INPP5E: variants seen among roughly 807,000 people sequenced by gnomAD.
INPP5E encodes the protein inositol polyphosphate-5-phosphatase E.
INPP5E carries 34 observed loss-of-function variants against 50.5 expected under a neutral mutation model. That is an observed-to-expected ratio of 0.67 (90% CI 0.51 to 0.90). The LOEUF (loss-of-function observed/expected upper bound fraction) is 0.90, where lower values mean the gene tolerates loss of function less well. Ranked by LOEUF, INPP5E falls within the 40% of genes least tolerant of loss-of-function variation. The pLI is 0.00. For synonymous variants in INPP5E, 447 were observed against 406.0 expected (o/e 1.10, Z -1.21); for missense variants, 942 against 905.5 (o/e 1.04, Z -0.52).
At position 136,439,571 on chromosome 9, in the gene INPP5E, G is replaced by A; in HGVS notation, c.-152C>T. ...GGGATGGTCGCGGAGGGGCGGGGGCGGCTGCCGCATGGCCCGGGCCCCGAG... is the reference window on the plus strand; with the variant it reads ...GGGATGGTCGCGGAGGGGCGGGGGCAGCTGCCGCATGGCCCGGGCCCCGAG... On this transcript the variant is annotated 5_prime_UTR_variant, in exon 1 of 10. Coordinates refer to ENST00000371712, the MANE Select transcript of INPP5E (RefSeq NM_019892.6). The A allele has an allele frequency of 2.0e-6, 1 of 492,982 alleles. No individual in the cohort carries two copies. The highest frequency in any genetic ancestry group is 2.0e-5 in the African/African-American group (1 of 49,536). 30.5% of individuals were successfully genotyped at this position (492,982 alleles called of 1,614,324 possible).
In INPP5E at chr9:136,432,959, T is replaced by A; in HGVS notation, c.1276A>T (p.Thr426Ser). Residue 426 changes from threonine (T) to serine (S), a missense_variant, in exon 5 of 10, where the codon ACC becomes TCC. Transcript: ENST00000371712. ...TSFLFITSHF[T>S]SGDGKVAERL... ...GTGCGGGCACCAAGCAACTTACAGG[T>A]GAAGTGGGACGTGATGAAGAGGAAG... 1 of 1,612,802 alleles carries A rather than the reference T, an allele frequency of 6.2e-7. No homozygotes were observed. The highest frequency in any genetic ancestry group is 1.3e-5 in the African/African-American group (1 of 75,008).
Position 136,439,052 on chromosome 9 carries a change from G to GC in INPP5E, c.367dup (p.Ala123GlyfsTer28). The GC allele has an allele frequency of 6.4e-7, 1 of 1,569,604 alleles. No homozygotes were observed. The highest frequency in any genetic ancestry group is 8.6e-7 in the Non-Finnish European group (1 of 1,158,156). ...GGGCGGGGAGCAGCTGTGGGCGGGGGCCCCGGGGCCCTCGCTCTGCACTGA... is the reference window on the plus strand; with the variant it reads ...GGGCGGGGAGCAGCTGTGGGCGGGGGCCCCCGGGGCCCTCGCTCTGCACTGA... On this transcript the variant is annotated frameshift_variant, in exon 1 of 10. Transcript: ENST00000371712. LOFTEE classifies it high-confidence loss of function.
rs1184444247 is a variant in INPP5E, at chr9:136,432,122, T to C, written c.1388-137A>G. The C allele has an allele frequency of 8.4e-6, 9 of 1,069,156 alleles. No homozygotes were observed. The African/African-American group carries it at 1.1e-4, about 13-fold the overall frequency. 66.2% of individuals were successfully genotyped at this position (1,069,156 alleles called of 1,614,324 possible). ...GCCGGTGGGGCCGGGCCCTCAGGGGTGGGATTCGCACTGGGACAGTTCCAG... is the reference window on the plus strand; with the variant it reads ...GCCGGTGGGGCCGGGCCCTCAGGGGCGGGATTCGCACTGGGACAGTTCCAG... On this transcript the variant is annotated intron_variant, in intron 6 of 9. Coordinates refer to ENST00000371712, the MANE Select transcript of INPP5E (RefSeq NM_019892.6).
At position 136,429,309 on chromosome 9, in the gene INPP5E, G is replaced by A. The variant is rs903512049; in HGVS notation, c.*366C>T. The A allele has an allele frequency of 3.6e-5, 14 of 387,550 alleles. No individual in the cohort carries two copies. Among genetic ancestry groups the A allele is most frequent in the Non-Finnish European group, 4.4e-5 (9 of 202,388 alleles). The allele number at this position is 387,550 out of a possible 1,614,324, so 24.0% of individuals were successfully genotyped here. Reference sequence around the variant, plus strand: ...GGAGGGAGAGGCTGGTGCAGAGCACGGGGGTGTTGGGGGGCTCTGTGACTG... The same window carrying A: ...GGAGGGAGAGGCTGGTGCAGAGCACAGGGGTGTTGGGGGGCTCTGTGACTG... On this transcript the variant is annotated 3_prime_UTR_variant, in exon 10 of 10. Coordinates refer to ENST00000371712, the MANE Select transcript of INPP5E (RefSeq NM_019892.6).
rs1835653642 is a variant in INPP5E at position 136,429,702 on chromosome 9, G to A, written c.1908C>T (p.Asn636=). 6.2e-7 allele frequency: 1 copy of A among 1,614,012 alleles called. No homozygotes were observed. Among genetic ancestry groups the A allele is most frequent in the South Asian group, 1.1e-5 (1 of 91,092 alleles). Residue 636 remains asparagine, a synonymous_variant, in exon 10 of 10, where the codon AAC becomes AAT. Coordinates refer to ENST00000371712, the MANE Select transcript of INPP5E (RefSeq NM_019892.6). ...IQRQQALQSQ[N]SSTICSVS is the part of the protein sequence containing the mutation. ...AAGAAACGGAGCAGATGGTGCTGGAGTTCTGACTCTGTAGTGCTTGCTGCC... is the reference window on the plus strand; with the variant it reads ...AAGAAACGGAGCAGATGGTGCTGGAATTCTGACTCTGTAGTGCTTGCTGCC...
chr9:136,431,914 T>C lies in INPP5E; in HGVS notation c.1459A>G (p.Thr487Ala). The change falls in exon 7 of 10, where the codon ACA becomes GCA. Residue 487 changes from threonine to alanine, a missense_variant. By Grantham distance (58) the Thr-to-Ala change is moderately conservative. Transcript: ENST00000371712. The stretch of plus-strand genomic sequence containing the variant: ...TGGCACAGGAGGGCGTCCACGACTG[T>C]GCGCCCGCCACTCAGGCGGAAGTTG... ...DFNFRLSGGRTVVDALLCQGL... is the reference protein window; with the variant it reads ...DFNFRLSGGRAVVDALLCQGL... The C allele has an allele frequency of 6.2e-7, 1 of 1,610,560 alleles. No individual in the cohort carries two copies. Among genetic ancestry groups the C allele is most frequent in the Non-Finnish European group, 8.5e-7 (1 of 1,179,318 alleles).
At position 136,438,842 on chromosome 9, in the gene INPP5E, GGGCGCGGGGGCAGCA is replaced by G; in HGVS notation, c.563_577del (p.Leu188_Arg192del). On this transcript the variant is annotated inframe_deletion, in exon 1 of 10. Transcript: ENST00000371712. ...GATGTCCAGGCTCAGGGCAGGCGGT[GGGCGCGGGGGCAGCA>G]GGCTGGGCAGCCTGGGCGAGCTCCC... The G allele has an allele frequency of 6.2e-7, 1 of 1,607,372 alleles. No homozygotes were observed. The highest frequency in any genetic ancestry group is 8.5e-7 in the Non-Finnish European group (1 of 1,177,430).
Position 136,429,781 on chromosome 9 carries a change from T to A in INPP5E, c.1829A>T (p.Asp610Val), listed in dbSNP as rs1564430726. 1.2e-6 allele frequency: 2 copies of A among 1,612,716 alleles called. No individual in the cohort carries two copies. Among genetic ancestry groups the A allele is most frequent in the East Asian group, 2.2e-5 (1 of 44,828 alleles). ...AATTCCTAGTAAGTACAGTTCTCTA[T>A]CAAATTTGCCAGCTGCCAACGGAAT... ...DNIPLAAGKF[D>V]RELYLLGIKR... The change falls in exon 10 of 10, where the codon GAT becomes GTT. Residue 610 changes from aspartate (D) to valine (V), a missense_variant. Asp to Val is a radical substitution (Grantham distance 152). Transcript: ENST00000371712.
At chr9:136,435,558 C>G (rs935354915) in intron 1 of INPP5E, 1 of 152,928 alleles carries the variant, frequency 6.5e-6, no homozygotes, top group Non-Finnish European at 1.5e-5. Flanking sequence ...GGTCTCGCCA[C>G]GTTGTCCAGG....
Position 136,439,708 on chromosome 9 carries a change from G to A in INPP5E, c.-289C>T. The A allele has an allele frequency of 3.4e-6, 1 of 297,126 alleles. No individual in the cohort carries two copies. The highest frequency in any genetic ancestry group is 6.2e-6 in the Non-Finnish European group (1 of 161,440). 18.4% of individuals were successfully genotyped at this position (297,126 alleles called of 1,614,324 possible). ...CGCGGGGGAGGTTCGACCCCGACGG[G>A]GACGCCGCTCGGGGAGAGGGGTGGG... On this transcript the variant is annotated 5_prime_UTR_variant, in exon 1 of 10. Coordinates refer to ENST00000371712, the MANE Select transcript of INPP5E (RefSeq NM_019892.6).
In INPP5E at chr9:136,429,596, A is replaced by G; in HGVS notation, c.*79T>C. On this transcript the variant is annotated 3_prime_UTR_variant, in exon 10 of 10. Coordinates refer to ENST00000371712, the MANE Select transcript of INPP5E (RefSeq NM_019892.6). ...GTCCCTCGGATCCCCGAAAGGCGGC[A>G]AACTCTTTGTCCTTCCCAGTGGGTT... The G allele has an allele frequency of 5.7e-6, 9 of 1,582,742 alleles. No homozygotes were observed. Among genetic ancestry groups the G allele is most frequent in the Non-Finnish European group, 7.8e-6 (9 of 1,159,568 alleles).
At chr9:136,438,513 A>T in intron 1 of INPP5E, 95 bp downstream of exon 1, 1 of 1,142,562 alleles carries the variant, frequency 8.8e-7, no homozygotes, top group Non-Finnish European at 1.3e-6. Context: ...TAGGCATCTT[A>T]AACGCTGCTG....
rs1477067987 is a variant in INPP5E at position 136,429,761 on chromosome 9, C to G, written c.1849G>C (p.Gly617Arg). ...GKFDRELYLL[G>R]IKRRISKEIQ... ...TCCTTCGAAATCCGTCTTTTAATTC[C>G]TAGTAAGTACAGTTCTCTATCAAAT... Residue 617 changes from glycine to arginine, a missense_variant, in exon 10 of 10, where the codon GGA (glycine) becomes CGA (arginine). Transcript: ENST00000371712. The G allele has an allele frequency of 6.2e-7, 1 of 1,613,698 alleles. No individual in the cohort carries two copies. Among genetic ancestry groups the G allele is most frequent in the Admixed American group, 1.7e-5 (1 of 60,002 alleles).
chr9:136,434,678 C>T, intron 2 of INPP5E, 62 bp downstream of exon 2: 1 of 1,558,002 alleles, frequency 6.4e-7, no homozygotes, highest in South Asian at 1.2e-5. Context: ...CCGTCCCCCT[C>T]ACCCGCCTTT....
intron 7 of INPP5E, 45 bp downstream of exon 7, chr9:136,431,779 C>A: frequency 1.2e-6 from 1 of 850,006 alleles, no homozygotes; most frequent in Non-Finnish European, 1.7e-6. Context: ...CCCAGGCCCT[C>A]ACCTCTCCTC....
At chr9:136,437,637 T>G (rs1444060206) in intron 1 of INPP5E, 2 of 152,274 alleles carry the variant, frequency 1.3e-5, no homozygotes, top group Non-Finnish European at 2.9e-5. Context: ...GTTGCAAGCC[T>G]CCCAGTCTGT....
At chr9:136,432,884 T>G in intron 5 of INPP5E, 72 bp downstream of exon 5, 2 of 1,568,326 alleles carry the variant, frequency 1.3e-6, no homozygotes, top group East Asian at 4.6e-5. Context: ...ACCCCTGCCT[T>G]GGACAGGGTC....
At chr9:136,438,307 C>G (rs1213072691) in intron 1 of INPP5E, 9 of 529,060 alleles carry the variant, frequency 1.7e-5, no homozygotes, top group Non-Finnish European at 2.0e-5. Flanking sequence ...TATACATTGA[C>G]GACATTTCCC....
At position 136,430,404 on chromosome 9, in the gene INPP5E, A is replaced by T. The variant is rs376839080; in HGVS notation, c.1675T>A (p.Leu559Met). The change falls in exon 9 of 10, where the codon TTG (leucine) becomes ATG (methionine). Residue 559 changes from leucine to methionine, a missense_variant. Coordinates refer to ENST00000371712, the MANE Select transcript of INPP5E (RefSeq NM_019892.6). ...QRTPSYTDRV[L>M]YRSRHKGDIC... ...TCACCCTTGTGGCGGCTTCTGTACA[A>T]GACGCGGTCCTTTGGGAAGATTGCA... 4.5e-6 allele frequency: 7 copies of T among 1,555,718 alleles called. No homozygotes were observed. The highest frequency in any genetic ancestry group is 6.1e-6 in the Non-Finnish European group (7 of 1,148,916).
Sources: gnomAD v4.1 joint callset for allele counts on GRCh38, gnomAD v4.1.1 for gene constraint, MANE v1.5 for transcripts, NCBI Gene and HGNC (gene_info 2026-07-23, HGNC 2026-07-21) for gene names.